Variants in ZSWIM6 observed in about 807,000 individuals in gnomAD.
ZSWIM6 encodes zinc finger SWIM-type containing 6.
In ZSWIM6, 9 loss-of-function variants were observed where a neutral mutation model predicts 113.2. The ratio of observed to expected loss-of-function variants is 0.08; its 90% confidence interval spans 0.05 to 0.14. The LOEUF (loss-of-function observed/expected upper bound fraction) is 0.14, where lower values mean the gene tolerates loss of function less well. Ranked by LOEUF, ZSWIM6 falls within the 10% of genes least tolerant of loss-of-function variation. The pLI, the probability that ZSWIM6 is intolerant of heterozygous loss-of-function variation, is 1.00. For synonymous variants in ZSWIM6, 611 were observed against 606.5 expected (o/e 1.01, Z -0.11); for missense variants, 1,162 against 1,552.2 (o/e 0.75, Z 4.22).
chr5:61,337,095 A>G (rs1190009582), intron 1 of ZSWIM6, among the ~76,000 whole-genome samples: 1 of 152,216 alleles, frequency 6.6e-6, no homozygotes, highest in Non-Finnish European at 1.5e-5. Flanking sequence ...AGCCTGGCCA[A>G]CAGGGCGAAA....
At chr5:61,384,022 A>T (rs1452790207) in intron 1 of ZSWIM6, among the ~76,000 whole-genome samples, 1 of 149,524 alleles carries the variant, frequency 6.7e-6, no homozygotes, top group Non-Finnish European at 1.5e-5. Context: ...CAGGTGGATC[A>T]TGAGGTCAGG....
chr5:61,396,569 C>A (rs1745842032), intron 1 of ZSWIM6, among the ~76,000 whole-genome samples: 1 of 149,060 alleles, frequency 6.7e-6, no homozygotes, highest in Non-Finnish European at 1.5e-5. Flanking sequence ...TGTTTTCATT[C>A]AAATGTGAAT....
intron 3 of ZSWIM6, among the ~76,000 whole-genome samples, chr5:61,492,199 A>G (rs1187759813): frequency 6.6e-6 from 1 of 152,136 alleles, no homozygotes; most frequent in African/African-American, 2.4e-5. Flanking sequence ...ACCAGAAAAA[A>G]TAAACATTAA....
chr5:61,463,456 G>A (rs1747358708), intron 1 of ZSWIM6, among the ~76,000 whole-genome samples: 1 of 152,218 alleles, frequency 6.6e-6, no homozygotes, highest in African/African-American at 2.4e-5. Flanking sequence ...TTGGTCCCTG[G>A]ACACCAGCAT....
intron 1 of ZSWIM6, among the ~76,000 whole-genome samples, chr5:61,457,106 C>T (rs1747220265): frequency 6.6e-6 from 1 of 150,996 alleles, no homozygotes; most frequent in Admixed American, 6.6e-5. Flanking sequence ...CTTCCTGTGT[C>T]CATGTGATCT....
intron 2 of ZSWIM6, among the ~76,000 whole-genome samples, chr5:61,489,529 G>A (rs1235836172): frequency 6.6e-6 from 1 of 151,992 alleles, no homozygotes; most frequent in Admixed American, 6.6e-5. Flanking sequence ...TTGAGCCTTT[G>A]CTTATAGTAA....
intron 1 of ZSWIM6, among the ~76,000 whole-genome samples, chr5:61,387,879 C>G (rs1262320119): frequency 1.3e-5 from 2 of 151,392 alleles, no homozygotes; most frequent in African/African-American, 4.9e-5. Flanking sequence ...CCACTGCACT[C>G]CAGCCTGGGT....
intron 1 of ZSWIM6, among the ~76,000 whole-genome samples, chr5:61,341,407 T>C (rs1236733274): frequency 1.3e-5 from 2 of 152,216 alleles, no homozygotes; most frequent in Admixed American, 1.3e-4. Context: ...ATGTTTAATA[T>C]TAGAAGTGTT....
At chr5:61,393,599 G>A (rs924677243) in intron 1 of ZSWIM6, among the ~76,000 whole-genome samples, 7 of 152,188 alleles carry the variant, frequency 4.6e-5, no homozygotes, top group Non-Finnish European at 7.4e-5. Context: ...TAGGCCGGGC[G>A]TGGTGGCGCA....
chr5:61,364,154 C>T (rs1272687494), intron 1 of ZSWIM6, among the ~76,000 whole-genome samples: 1 of 152,058 alleles, frequency 6.6e-6, no homozygotes, highest in Admixed American at 6.6e-5. Context: ...AAGCAATCCT[C>T]CCACCTCCGC....
At chr5:61,508,826 G>A (rs1748698906) in intron 4 of ZSWIM6, among the ~76,000 whole-genome samples, 1 of 152,030 alleles carries the variant, frequency 6.6e-6, no homozygotes. Flanking sequence ...ATCCTGAGTC[G>A]GCCTTGCTAT....
At chr5:61,427,561 C>T (rs1233904537) in intron 1 of ZSWIM6, among the ~76,000 whole-genome samples, 2 of 152,094 alleles carry the variant, frequency 1.3e-5, no homozygotes, top group Non-Finnish European at 2.9e-5. Context: ...TTATTGCAAC[C>T]TTGAACTTAT....
chr5:61,386,244 T>C (rs866062130), intron 1 of ZSWIM6, among the ~76,000 whole-genome samples: 5 of 152,200 alleles, frequency 3.3e-5, no homozygotes, highest in Middle Eastern at 3.2e-3. Context: ...CCCCAGTGCA[T>C]CTGTGGACAT....
At chr5:61,435,646 A>G (rs1360345084) in intron 1 of ZSWIM6, among the ~76,000 whole-genome samples, 1 of 152,264 alleles carries the variant, frequency 6.6e-6, no homozygotes, top group African/African-American at 2.4e-5. Context: ...GCTTTAAATC[A>G]GGATAACTAT....
chr5:61,339,166 G>T (rs1216058149), intron 1 of ZSWIM6, among the ~76,000 whole-genome samples: 1 of 152,204 alleles, frequency 6.6e-6, no homozygotes, highest in East Asian at 1.9e-4. Context: ...GGAATGACAT[G>T]TTTTGTTTTA....
At chr5:61,393,848 T>G (rs187178130) in intron 1 of ZSWIM6, among the ~76,000 whole-genome samples, 62 of 152,288 alleles carry the variant, frequency 4.1e-4, no homozygotes, top group Admixed American at 1.3e-3. Context: ...TTGTAAATTT[T>G]TTGTCTTCTT....
At chr5:61,519,253 A>C (rs551455091) in intron 4 of ZSWIM6, among the ~76,000 whole-genome samples, 1 of 152,316 alleles carries the variant, frequency 6.6e-6, no homozygotes, top group South Asian at 2.1e-4. Flanking sequence ...ATGAAGTGTG[A>C]CCAGGACTTC....
At chr5:61,413,159 C>T (rs1441821527) in intron 1 of ZSWIM6, among the ~76,000 whole-genome samples, 1 of 142,374 alleles carries the variant, frequency 7.0e-6, no homozygotes, top group Non-Finnish European at 1.5e-5. Flanking sequence ...TCTCCTAATG[C>T]TATCCCTCCC....
intron 4 of ZSWIM6, among the ~76,000 whole-genome samples, chr5:61,495,502 T>A (rs1013500216): frequency 6.6e-6 from 1 of 152,194 alleles, no homozygotes; most frequent in Non-Finnish European, 1.5e-5. Flanking sequence ...ATTAGATATT[T>A]GTTGACTTTT....
Sources: allele counts gnomAD v4.1 joint callset (sites outside exome capture counted in the v4.1 genomes callset), GRCh38; gene constraint gnomAD v4.1.1; transcripts MANE v1.5; gene names NCBI Gene and HGNC (gene_info 2026-07-23, HGNC 2026-07-21).